LARGE1: variants seen among roughly 807,000 people sequenced by gnomAD.
The protein encoded by LARGE1 is xylosyl- and glucuronyltransferase LARGE1.
Under a neutral mutation model 87.6 loss-of-function variants are expected in LARGE1, and 43 were observed. That is an observed-to-expected ratio of 0.49 (90% confidence interval 0.38 to 0.63). LARGE1 has a LOEUF of 0.63. LARGE1 is among the 30% of genes least tolerant of loss of function. The probability of loss-of-function intolerance (pLI) is 0.00; values close to 1 mark genes in which losing one functional copy is unlikely to be tolerated. For missense variants in LARGE1, 802 were observed against 1,000.2 expected (o/e 0.80, Z 2.67); for synonymous variants, 434 against 394.6 (o/e 1.10, Z -1.18).
chr22:33,587,696 C>T (rs1419256623), intron 5 of LARGE1, among the ~76,000 whole-genome samples: 1 of 151,328 alleles, frequency 6.6e-6, no homozygotes, highest in Non-Finnish European at 1.5e-5. Context: ...TGATTTTTTC[C>T]ATTGCAATTA....
At chr22:33,711,828 G>C (rs1569395642) in intron 2 of LARGE1, among the ~76,000 whole-genome samples, 1 of 151,768 alleles carries the variant, frequency 6.6e-6, no homozygotes, top group Non-Finnish European at 1.5e-5. Flanking sequence ...TATTTTTATT[G>C]TTTTATTTTT....
chr22:33,326,762 G>C (rs1342805400), intron 10 of LARGE1, among the ~76,000 whole-genome samples: 1 of 152,136 alleles, frequency 6.6e-6, no homozygotes, highest in East Asian at 1.9e-4. Flanking sequence ...CGAACACCTG[G>C]CAAGTGCAGA....
At chr22:33,583,858 A>T (rs1242742719) in intron 5 of LARGE1, among the ~76,000 whole-genome samples, 2 of 152,164 alleles carry the variant, frequency 1.3e-5, no homozygotes, top group Non-Finnish European at 2.9e-5. Flanking sequence ...CTCCCTTAGC[A>T]CTTTCCAAGA....
intron 11 of LARGE1, among the ~76,000 whole-genome samples, chr22:33,237,144 C>T (rs1926293017): frequency 6.6e-6 from 1 of 152,162 alleles, no homozygotes; most frequent in Admixed American, 6.6e-5. Context: ...GAGATCACTG[C>T]CATATGAACA....
the LARGE1 span, among the ~76,000 whole-genome samples, chr22:33,104,651 G>C: frequency 6.6e-6 from 1 of 152,222 alleles, no homozygotes; most frequent in African/African-American, 2.4e-5. Context: ...TATCTTCCCT[G>C]TCTGACTTGG....
intron 1 of LARGE1, among the ~76,000 whole-genome samples, chr22:33,843,823 T>C (rs74406296): frequency 0.024 from 3,578 of 152,086 alleles, 142 homozygotes; most frequent in African/African-American, 0.081. Flanking sequence ...TTTACTCATC[T>C]CCTTTCTTTC....
chr22:33,686,204 C>T (rs1027929594), intron 2 of LARGE1, among the ~76,000 whole-genome samples: 4 of 152,006 alleles, frequency 2.6e-5, no homozygotes, highest in Non-Finnish European at 4.4e-5. Context: ...CACAGCTGAC[C>T]GGGCCCTGAG....
At chr22:33,442,393 G>A (rs925919522) in intron 6 of LARGE1, among the ~76,000 whole-genome samples, 3 of 152,262 alleles carry the variant, frequency 2.0e-5, no homozygotes, top group African/African-American at 4.8e-5. Flanking sequence ...CATTTGCCAG[G>A]CTCTGCCTCA....
chr22:33,910,245 C>T (rs117635475), intron 1 of LARGE1, among the ~76,000 whole-genome samples: 134 of 152,168 alleles, frequency 8.8e-4, no homozygotes, highest in Non-Finnish European at 1.5e-3. Flanking sequence ...GTGGAGGAGT[C>T]GTAAGTACTA....
chr22:33,270,028 C>T (rs957013216), downstream of LARGE1, among the ~76,000 whole-genome samples: 1 of 150,254 alleles, frequency 6.7e-6, no homozygotes, highest in African/African-American at 2.5e-5. Context: ...AAAGACTATA[C>T]GAATGTGTTA....
chr22:33,887,503 G>A (rs1238635597), intron 1 of LARGE1, among the ~76,000 whole-genome samples: 2 of 152,152 alleles, frequency 1.3e-5, no homozygotes, highest in East Asian at 1.9e-4. Context: ...TTCGGAGACC[G>A]AGGCGGGTGG....
chr22:33,485,047 G>A (rs1473927833), intron 6 of LARGE1, among the ~76,000 whole-genome samples: 1 of 151,254 alleles, frequency 6.6e-6, no homozygotes, highest in African/African-American at 2.4e-5. Flanking sequence ...GAGTAGCTGG[G>A]ATTACAGGTT....
chr22:33,477,485 A>G (rs1247369809), intron 6 of LARGE1, among the ~76,000 whole-genome samples: 1 of 152,194 alleles, frequency 6.6e-6, no homozygotes, highest in Non-Finnish European at 1.5e-5. Flanking sequence ...ATTCCAAATA[A>G]GGTAAATGAA....
chr22:33,777,365 T>G (rs1213785742), intron 1 of LARGE1, among the ~76,000 whole-genome samples: 1 of 152,022 alleles, frequency 6.6e-6, no homozygotes, highest in East Asian at 1.9e-4. Flanking sequence ...TGGCCAGGCG[T>G]CGTGGCTCAC....
intron 1 of LARGE1, among the ~76,000 whole-genome samples, chr22:33,811,167 G>T (rs1250788007): frequency 6.6e-6 from 1 of 152,186 alleles, no homozygotes; most frequent in East Asian, 1.9e-4. Flanking sequence ...CCTCCATAAA[G>T]TCAGTCAAAA....
At chr22:33,866,966 C>T (rs1013777308) in intron 1 of LARGE1, among the ~76,000 whole-genome samples, 7 of 152,154 alleles carry the variant, frequency 4.6e-5, no homozygotes, top group Non-Finnish European at 8.8e-5. Context: ...GGAACACCAA[C>T]ATGTCCAGCA....
At chr22:33,502,726 G>A (rs1339303825) in intron 6 of LARGE1, among the ~76,000 whole-genome samples, 4 of 152,068 alleles carry the variant, frequency 2.6e-5, no homozygotes, top group East Asian at 1.9e-4. Flanking sequence ...CTGCCACCAC[G>A]CCTGGCTAAT....
intron 1 of LARGE1, among the ~76,000 whole-genome samples, chr22:33,817,156 T>C (rs2086678835): frequency 6.6e-6 from 1 of 152,198 alleles, no homozygotes; most frequent in Middle Eastern, 3.2e-3. Context: ...GCAGTTTCCC[T>C]ATGGTTCGCC....
chr22:33,339,546 T>C (rs1938912920), intron 9 of LARGE1, among the ~76,000 whole-genome samples: 2 of 151,942 alleles, frequency 1.3e-5, no homozygotes, highest in African/African-American at 4.8e-5. Context: ...AGTCGCAGGA[T>C]GGGAGATGCA....
Sources: gnomAD v4.1 joint callset for allele counts (sites outside exome capture counted in the v4.1 genomes callset) on GRCh38, gnomAD v4.1.1 for gene constraint, MANE v1.5 for transcripts, NCBI Gene and HGNC (gene_info 2026-07-23, HGNC 2026-07-21) for gene names.